Variants in WDR81 observed in about 807,000 individuals in gnomAD.
WDR81 encodes WD repeat domain 81, also known as WD repeat-containing protein 81.
WDR81 carries 92 observed loss-of-function variants against 140.8 expected under a neutral mutation model. The observed-to-expected ratio is 0.65, with a 90% confidence interval of 0.55 to 0.78. WDR81 has a LOEUF of 0.78. Ranked by LOEUF, WDR81 falls within the 30% of genes least tolerant of loss-of-function variation. The pLI is 0.00. For synonymous variants in WDR81, 1,183 were observed against 1,156.4 expected (o/e 1.02, Z -0.47); for missense variants, 2,502 against 2,636.4 (o/e 0.95, Z 1.12).
In WDR81 at chr17:1,726,654, T is replaced by C. The variant is rs1244705883; in HGVS notation, c.1695T>C (p.Cys565=). 4 of 1,550,242 alleles carry C rather than the reference T, an allele frequency of 2.6e-6. No homozygotes were observed. In the Admixed American group the frequency reaches 5.9e-5, roughly 23 times the overall value. Reference sequence around the variant, plus strand: ...AGGCTGTCAAGGAAAAGAATGTGTGTCTGCACCTGGTGGACGCCCACACTC... The same window carrying C: ...AGGCTGTCAAGGAAAAGAATGTGTGCCTGCACCTGGTGGACGCCCACACTC... ...GKEAVKEKNV[C]LHLVDAHTHL... is the part of the protein sequence containing the mutation. The change falls in exon 1 of 10, where the codon TGT becomes TGC. Residue 565 remains cysteine (C), a synonymous_variant. Transcript: ENST00000409644.
Position 1,732,382 on chromosome 17 carries a change from C to T in WDR81, c.4215C>T (p.Ile1405=), listed in dbSNP as rs374387588. The T allele has an allele frequency of 2.0e-5, 32 of 1,613,586 alleles. No homozygotes were observed. The highest frequency in any genetic ancestry group is 1.2e-4 in the South Asian group (11 of 91,096). The change falls in exon 5 of 10, where the codon ATC becomes ATT. Residue 1405 remains isoleucine, a synonymous_variant. Coordinates refer to ENST00000409644, the MANE Select transcript of WDR81 (RefSeq NM_001163809.2). ...TILCVKTISL[I]ALICLRIGQE... is the part of the protein sequence containing the mutation. ...TGTGTGTGAAAACCATCAGCCTCAT[C>T]GCCCTCATCTGCCTGCGCATTGGAC...
At chr17:1,716,547 G>A (rs1431599170) in exon 1 of WDR81, 1 of 1,550,984 alleles carries the variant, frequency 6.4e-7, no homozygotes, top group East Asian at 2.4e-5. Context: ...AAGAGCAGGC[G>A]AAAGCCACGG....
chr17:1,723,466 TTTATTTA>T (rs1430518644), upstream of WDR81, among the ~76,000 whole-genome samples: 4 of 104,478 alleles, frequency 3.8e-5, no homozygotes, highest in Non-Finnish European at 7.5e-5. Flanking sequence ...TTTTTATTTA[TTTATTTA>T]TTTATTTATT....
intron 2 of WDR81, 126 bp downstream of exon 2, chr17:1,730,613 T>TC: frequency 7.1e-7 from 1 of 1,402,160 alleles, no homozygotes; most frequent in Non-Finnish European, 9.6e-7. Context: ...AGGTGCTGGG[T>TC]CCCAGTCTAA....
In WDR81 at chr17:1,735,596, C is replaced by G. The variant is rs569166821; in HGVS notation, c.5204C>G (p.Pro1735Arg). Reference sequence around the variant, plus strand: ...GGGAAGACCCTTCGCACAGTGGAGCCGCTGGACAGCCGGGTGCCCCTGACT... The same window carrying G: ...GGGAAGACCCTTCGCACAGTGGAGCGGCTGGACAGCCGGGTGCCCCTGACT... The part of the protein sequence containing the change: ...FTGKTLRTVE[P>R]LDSRVPLTAV... The change falls in exon 8 of 10, where the codon CCG becomes CGG. Residue 1735 changes from proline to arginine, a missense_variant. Transcript: ENST00000409644. This position sits in a 1 kb window ranked among gnomAD's most constrained non-coding sequence, Gnocchi z 4.2. The G allele has an allele frequency of 6.2e-6, 10 of 1,612,040 alleles. No homozygotes were observed. The highest frequency in any genetic ancestry group is 7.6e-6 in the Non-Finnish European group (9 of 1,179,780).
In WDR81 at chr17:1,737,721, A is replaced by T; in HGVS notation, c.*36A>T. The T allele has an allele frequency of 6.4e-7, 1 of 1,568,836 alleles. No homozygotes were observed. Among genetic ancestry groups the T allele is most frequent in the Non-Finnish European group, 8.6e-7 (1 of 1,160,150 alleles). On this transcript the variant is annotated 3_prime_UTR_variant, in exon 10 of 10. Transcript: ENST00000409644. ...GAGCTGGCCGGGCAAGGGTGGGAAG[A>T]CATCTGCGGGCGCGTGTCCACTCAC... is the stretch of plus-strand genomic sequence containing the variant.
chr17:1,733,844 A>C lies in WDR81; in HGVS notation c.4807A>C (p.Lys1603Gln). ...LGSGSDDNALKQELPRSVHGL... is the reference protein window; with the variant it reads ...LGSGSDDNALQQELPRSVHGL... ...CAGCGGGAGCGACGACAACGCCCTGAAGCAGGAGCTGCCGCGGAGCGTGCA... is the reference window on the plus strand; with the variant it reads ...CAGCGGGAGCGACGACAACGCCCTGCAGCAGGAGCTGCCGCGGAGCGTGCA... Residue 1603 changes from lysine to glutamine, a missense_variant, in exon 7 of 10, where the codon AAG becomes CAG. Around this residue, in one of 3 missense-constraint regions of WDR81, gnomAD observed 1,737 missense variants for 1,843.0 expected, o/e 0.94. Coordinates refer to ENST00000409644, the MANE Select transcript of WDR81 (RefSeq NM_001163809.2). The C allele has an allele frequency of 6.2e-7, 1 of 1,612,630 alleles. No individual in the cohort carries two copies. The highest frequency in any genetic ancestry group is 8.5e-7 in the Non-Finnish European group (1 of 1,179,862).
chr17:1,729,470 A>G (rs908490127), intron 1 of WDR81, among the ~76,000 whole-genome samples: 1 of 151,412 alleles, frequency 6.6e-6, no homozygotes, highest in Non-Finnish European at 1.5e-5. Context: ...ACAGAGCGGG[A>G]CTCCGTCTCA....
chr17:1,730,863 T>C lies in WDR81; in HGVS notation c.3884T>C (p.Val1295Ala). 1 of 1,612,956 alleles carries C rather than the reference T, an allele frequency of 6.2e-7. No individual in the cohort carries two copies. The highest frequency in any genetic ancestry group is 8.5e-7 in the Non-Finnish European group (1 of 1,179,984). Residue 1295 changes from valine (V) to alanine (A), a missense_variant, in exon 3 of 10, where the codon GTG (valine) becomes GCG (alanine). This residue lies in a region of WDR81 where 1,737 missense variants were observed against 1,843.0 expected (regional missense o/e 0.94). Coordinates refer to ENST00000409644, the MANE Select transcript of WDR81 (RefSeq NM_001163809.2). ...CTGGGCGACATCGTGTCAGGGCCTG[T>C]GCTCAGCTGCCTCCTCCACATCGCC... is the stretch of plus-strand genomic sequence containing the variant. Reference protein sequence around the residue: ...PVLGDIVSGPVLSCLLHIARL... With the variant: ...PVLGDIVSGPALSCLLHIARL...
Position 1,727,107 on chromosome 17 carries a change from G to T in WDR81, c.2148G>T (p.Glu716Asp). ...AAGADPGEGE[E>D]GRILLPEGFN... ...GGGCAGACCCTGGGGAGGGTGAGGA[G>T]GGGAGGATTCTTCTTCCCGAGGGCT... Residue 716 changes from glutamate (E) to aspartate (D), a missense_variant, in exon 1 of 10, where the codon GAG becomes GAT. By Grantham distance (45) the Glu-to-Asp change is conservative. Transcript: ENST00000409644. The T allele has an allele frequency of 6.5e-7, 1 of 1,547,464 alleles. No homozygotes were observed.
rs982504565 is a variant in WDR81, at chr17:1,730,456, C to T, written c.3744C>T (p.Asn1248=). 6.2e-7 allele frequency: 1 copy of T among 1,613,254 alleles called. No homozygotes were observed. The part of the protein sequence containing the change: ...PTVASRHVAR[N]LLRLLTSCYV... ...TGGCCTCTCGCCACGTGGCCCGGAA[C>T]CTGCTCCGCCTGCTGACGTCTTGTT... The change falls in exon 2 of 10, where the codon AAC becomes AAT. Residue 1248 remains asparagine, a synonymous_variant. Coordinates refer to ENST00000409644, the MANE Select transcript of WDR81 (RefSeq NM_001163809.2).
At chr17:1,737,244 A>C in intron 9 of WDR81, 121 bp from the exon 10 acceptor site, 1 of 963,388 alleles carries the variant, frequency 1.0e-6, no homozygotes, top group East Asian at 2.7e-5. Context: ...GCGGCTTGTC[A>C]CCCACCCAGG....
chr17:1,730,346 T>C (rs1325968750), intron 1 of WDR81, 34 bp from the exon 2 acceptor site: 11 of 1,569,196 alleles, frequency 7.0e-6, no homozygotes, highest in South Asian at 4.6e-5. Flanking sequence ...GCCCCTGTTA[T>C]CTGAGGAGCT....
chr17:1,730,008 AGAAG>A (rs998089235), intron 1 of WDR81, among the ~76,000 whole-genome samples: 2 of 150,508 alleles, frequency 1.3e-5, no homozygotes, highest in African/African-American at 4.9e-5. Flanking sequence ...AAAAAAAAGA[AGAAG>A]AAGAAGAAGA....
At chr17:1,717,688 T>A (rs1325259907) in intron 1 of WDR81, among the ~76,000 whole-genome samples, 1 of 152,166 alleles carries the variant, frequency 6.6e-6, no homozygotes, top group Non-Finnish European at 1.5e-5. Context: ...CTCCCATGGG[T>A]GGTGAAGGAA....
At position 1,727,765 on chromosome 17, in the gene WDR81, C is replaced by T; in HGVS notation, c.2806C>T (p.His936Tyr). 1.3e-6 allele frequency: 2 copies of T among 1,550,736 alleles called. No homozygotes were observed. The highest frequency in any genetic ancestry group is 3.9e-5 in the Admixed American group (2 of 51,008). ...PFVLSLMSEEHTAVYTAWYLF... is the reference protein window; with the variant it reads ...PFVLSLMSEEYTAVYTAWYLF... Reference sequence around the variant, plus strand: ...CGTGCTCTCACTCATGTCCGAGGAGCACACAGCTGTGTACACGGCCTGGTA... The same window carrying T: ...CGTGCTCTCACTCATGTCCGAGGAGTACACAGCTGTGTACACGGCCTGGTA... Residue 936 changes from histidine to tyrosine, a missense_variant, in exon 1 of 10, where the codon CAC becomes TAC. By Grantham distance (83) the His-to-Tyr change is moderately conservative. Around this residue, in one of 3 missense-constraint regions of WDR81, gnomAD observed 1,737 missense variants for 1,843.0 expected, o/e 0.94. Transcript: ENST00000409644.
At chr17:1,730,570 C>A (rs1915624855) in intron 2 of WDR81, 83 bp downstream of exon 2, 2 of 1,457,878 alleles carry the variant, frequency 1.4e-6, no homozygotes, top group Non-Finnish European at 1.9e-6. Context: ...GGCGGGGATC[C>A]TTCCCACCCC....
upstream of WDR81, among the ~76,000 whole-genome samples, chr17:1,724,256 C>CGGGA (rs1915055771): frequency 6.6e-6 from 1 of 152,150 alleles, no homozygotes; most frequent in Non-Finnish European, 1.5e-5. Context: ...CCCAGCTACT[C>CGGGA]GGGAGGCCGA....
At chr17:1,724,666 G>T (rs78197520), upstream of WDR81, 1,048 of 1,045,720 alleles carry the variant, frequency 1.0e-3, 12 homozygotes, top group African/African-American at 0.016. Context: ...AGCCACGTGC[G>T]CTTGTTTCCG....
Sources: gnomAD v4.1 joint callset for allele counts (sites outside exome capture counted in the v4.1 genomes callset) on GRCh38, gnomAD v4.1.1 for gene constraint, gnomAD v4.1.1 regional missense constraint, Gnocchi (gnomAD v3.1) non-coding constraint, MANE v1.5 for transcripts, NCBI Gene and HGNC (gene_info 2026-07-23, HGNC 2026-07-21) for gene names.